EXOG: variants seen among roughly 807,000 people sequenced by gnomAD.
The protein encoded by EXOG is exo/endonuclease G.
In EXOG, 27 loss-of-function variants were observed where a neutral mutation model predicts 25.8. The ratio of observed to expected loss-of-function variants is 1.05; its 90% CI spans 0.77 to 1.45. The LOEUF (loss-of-function observed/expected upper bound fraction) is 1.45. EXOG is among the 40% of genes most tolerant of loss of function. The pLI, the probability that EXOG is intolerant of heterozygous loss-of-function variation, is 0.00. For missense variants in EXOG, 458 were observed against 450.5 expected (o/e 1.02, Z -0.15); for synonymous variants, 133 against 167.0 (o/e 0.80, Z 1.57).
intron 4 of EXOG, among the ~76,000 whole-genome samples, chr3:38,506,360 GT>G (rs1301200164): frequency 1.3e-5 from 2 of 152,102 alleles, no homozygotes. Flanking sequence ...AAAAATGTTA[GT>G]TTTACATATG....
At position 38,524,008 on chromosome 3, in the gene EXOG, AC is replaced by A. The variant is rs1389698779; in HGVS notation, c.756del (p.Asn253MetfsTer10). 3 of 1,613,976 alleles carry A rather than the reference AC, an allele frequency of 1.9e-6. No homozygotes were observed. In the African/African-American group the frequency reaches 4.0e-5, roughly 22 times the overall value. ...EPLALGAFVVPNEAIGFQPQL... is the reference protein window; with the variant it reads ...EPLALGAFVVXNEAIGFQPQL... Reference sequence around the variant, plus strand: ...CACTGGCGCTAGGGGCCTTTGTGGTACCCAATGAAGCCATCGGCTTCCAGCC... The same window carrying A: ...CACTGGCGCTAGGGGCCTTTGTGGTACCAATGAAGCCATCGGCTTCCAGCC... On this transcript the variant is annotated frameshift_variant, in exon 6 of 6. Transcript: ENST00000287675. LOFTEE classifies it low-confidence loss of function (END_TRUNC).
intron 5 of EXOG, among the ~76,000 whole-genome samples, chr3:38,520,876 G>C (rs1295055115): frequency 3.9e-5 from 6 of 152,240 alleles, no homozygotes; most frequent in Non-Finnish European, 7.3e-5. Flanking sequence ...GGCAAAGCCA[G>C]GTTTGACCAG....
intron 4 of EXOG, among the ~76,000 whole-genome samples, chr3:38,504,871 A>AT (rs1003535837): frequency 2.6e-5 from 4 of 152,282 alleles, no homozygotes; most frequent in African/African-American, 9.6e-5. Flanking sequence ...GTTTTTCCCC[A>AT]TATAGTACTT....
intron 5 of EXOG, chr3:38,513,913 G>C (rs2060451018): frequency 6.6e-6 from 1 of 152,370 alleles, no homozygotes; most frequent in African/African-American, 2.4e-5. Flanking sequence ...GTAGAGGATT[G>C]TATTAGGGTG....
Position 38,526,186 on chromosome 3 carries a change from G to A in EXOG, c.*1824G>A. ...CGTCTTGGGGCATAAGAACTTGTCTGAATCTGTCATACATACCACTGCTGT... is the reference window on the plus strand; with the variant it reads ...CGTCTTGGGGCATAAGAACTTGTCTAAATCTGTCATACATACCACTGCTGT... On this transcript the variant is annotated 3_prime_UTR_variant, in exon 6 of 6. Coordinates refer to ENST00000287675, the MANE Select transcript of EXOG (RefSeq NM_005107.4). The A allele has an allele frequency of 3.0e-6, 3 of 985,268 alleles. No individual in the cohort carries two copies. The highest frequency in any genetic ancestry group is 3.6e-6 in the Non-Finnish European group (3 of 829,800). 61.0% of individuals were successfully genotyped at this position (985,268 alleles called of 1,614,324 possible).
Position 38,508,713 on chromosome 3 carries a change from C to CG in EXOG, c.645+1745_645+1746insG, listed in dbSNP as rs942538131. ...CCTGAGGAACAGATTGAGGAACCACCCCCCCCCCAAAAAAAAACCAAAACT... is the reference window on the plus strand; with the variant it reads ...CCTGAGGAACAGATTGAGGAACCACCGCCCCCCCCAAAAAAAAACCAAAACT... On this transcript the variant is annotated intron_variant, in intron 5 of 5. Transcript: ENST00000287675. Among the ~76,000 whole-genome samples the CG allele has an allele frequency of 2.8e-5, 4 of 144,234 alleles. No homozygotes were observed. The East Asian group carries it at 6.2e-4, about 22-fold the overall frequency. The allele number at this position is 144,234 out of a possible 152,430, so 94.6% of individuals were successfully genotyped here.
intron 5 of EXOG, chr3:38,513,903 G>A (rs541770518): frequency 1.3e-5 from 2 of 152,394 alleles, no homozygotes; most frequent in African/African-American, 4.8e-5. Flanking sequence ...ATAAAGCACG[G>A]TAGAGGATTG....
rs916285902 is a variant in EXOG, at chr3:38,526,160, A to T, written c.*1798A>T. On this transcript the variant is annotated 3_prime_UTR_variant, in exon 6 of 6. Transcript: ENST00000287675. ...GACTATCCTGAGTATTGTCAGTAAA[A>T]CGTCTTGGGGCATAAGAACTTGTCT... is the stretch of plus-strand genomic sequence containing the variant. The T allele has an allele frequency of 2.0e-6, 2 of 985,146 alleles. No homozygotes were observed. The highest frequency in any genetic ancestry group is 1.7e-5 in the African/African-American group (1 of 57,176). The allele number at this position is 985,146 out of a possible 1,614,324, so 61.0% of individuals were successfully genotyped here. A position where few individuals can be genotyped will look rare whatever the true frequency, so the allele number is the denominator to read the frequency against.
At chr3:38,511,628 T>C (rs1427704625) in intron 5 of EXOG, among the ~76,000 whole-genome samples, 1 of 152,114 alleles carries the variant, frequency 6.6e-6, no homozygotes, top group Non-Finnish European at 1.5e-5. Flanking sequence ...ACAGGAGAAA[T>C]TTCTGGTGTT....
At chr3:38,512,846 G>C (rs2060414571) in intron 5 of EXOG, among the ~76,000 whole-genome samples, 1 of 152,026 alleles carries the variant, frequency 6.6e-6, no homozygotes, top group African/African-American at 2.4e-5. Flanking sequence ...TGCTAGGCTG[G>C]AGTGCAGTGA....
chr3:38,514,797 G>C (rs2060487235), intron 5 of EXOG, among the ~76,000 whole-genome samples: 2 of 133,148 alleles, frequency 1.5e-5, no homozygotes, highest in African/African-American at 5.8e-5. Context: ...TTGAGACGGA[G>C]TTTTACGGTG....
chr3:38,522,016 C>T (rs1020642309), intron 5 of EXOG, among the ~76,000 whole-genome samples: 1 of 152,192 alleles, frequency 6.6e-6, no homozygotes, highest in African/African-American at 2.4e-5. Flanking sequence ...ATCTTCCCAG[C>T]TGCATAAATG....
chr3:38,522,053 A>G (rs768725913), intron 5 of EXOG, among the ~76,000 whole-genome samples: 2 of 152,144 alleles, frequency 1.3e-5, no homozygotes, highest in African/African-American at 2.4e-5. Context: ...TGGGGATTTT[A>G]TGTTTGTAGT....
intron 5 of EXOG, among the ~76,000 whole-genome samples, chr3:38,511,308 T>C (rs974603862): frequency 1.4e-4 from 21 of 152,246 alleles, no homozygotes; most frequent in Admixed American, 8.5e-4. Flanking sequence ...CTGCCTCCAA[T>C]TGCGTTGGCT....
Position 38,525,296 on chromosome 3 carries a change from A to G in EXOG, c.*934A>G. The G allele has an allele frequency of 1.0e-6, 1 of 985,318 alleles. No homozygotes were observed. The highest frequency in any genetic ancestry group is 1.7e-5 in the African/African-American group (1 of 57,360). 61.0% of individuals were successfully genotyped at this position (985,318 alleles called of 1,614,324 possible). A position where few individuals can be genotyped will look rare whatever the true frequency, so the allele number is the denominator to read the frequency against. On this transcript the variant is annotated 3_prime_UTR_variant, in exon 6 of 6. Transcript: ENST00000287675. ...GGCAGACAGATCTAAGAGAAGAAAG[A>G]CAGCTGAGGTAGATTCAAATCTTTT...
chr3:38,503,940 A>T (rs2060123167), intron 4 of EXOG, among the ~76,000 whole-genome samples: 1 of 152,238 alleles, frequency 6.6e-6, no homozygotes, highest in Non-Finnish European at 1.5e-5. Flanking sequence ...GTTTTGAAAG[A>T]AATGACTCAA....
Position 38,523,852 on chromosome 3 carries a change from G to A in EXOG, c.646-49G>A, listed in dbSNP as rs779234177. 9.8e-6 allele frequency: 14 copies of A among 1,421,468 alleles called. No individual in the cohort carries two copies. In the East Asian group the frequency reaches 1.4e-4, roughly 14 times the overall value. The allele number at this position is 1,421,468 out of a possible 1,614,324, so 88.1% of individuals were successfully genotyped here. A position where few individuals can be genotyped will look rare whatever the true frequency, so the allele number is the denominator to read the frequency against. ...TAAGTATTTTTCAGAAAAAATTTGC[G>A]AACTGTTAGCACAAATTGGCATCAC... On this transcript the variant is annotated intron_variant, in intron 5 of 5. Transcript: ENST00000287675.
At chr3:38,516,289 C>T (rs1021624510) in intron 5 of EXOG, among the ~76,000 whole-genome samples, 1 of 152,060 alleles carries the variant, frequency 6.6e-6, no homozygotes, top group Non-Finnish European at 1.5e-5. Flanking sequence ...GGAAACCCTA[C>T]TTTAATCTAT....
chr3:38,496,651 C>T (rs2059898493), intron 1 of EXOG, 121 bp downstream of exon 1: 2 of 1,470,386 alleles, frequency 1.4e-6, no homozygotes, highest in Admixed American at 2.4e-5. Flanking sequence ...CCTAGCCTGG[C>T]CCTTGGTTTC....
Sources: gnomAD v4.1 joint callset for allele counts (sites outside exome capture counted in the v4.1 genomes callset) on GRCh38, gnomAD v4.1.1 for gene constraint, MANE v1.5 for transcripts, NCBI Gene and HGNC (gene_info 2026-07-23, HGNC 2026-07-21) for gene names.